CBFA2T3: variants seen among roughly 807,000 people sequenced by gnomAD.
CBFA2T3 encodes the protein transcriptional corepressor CBFA2T3.
A neutral mutation model predicts 58.6 loss-of-function variants in CBFA2T3; 31 were observed. The observed-to-expected ratio is 0.53, with a 90% CI of 0.40 to 0.71. CBFA2T3 has a LOEUF of 0.71. CBFA2T3 is among the 30% of genes least tolerant of loss of function. CBFA2T3 has a pLI of 0.00. For missense variants in CBFA2T3, 1,076 were observed against 963.1 expected, an observed-to-expected ratio of 1.12 and a Z score of -1.55; for synonymous variants, 531 against 421.9, an observed-to-expected ratio of 1.26 and a Z score of -3.17.
At chr16:88,963,189 A>G (rs1210509184) in intron 1 of CBFA2T3, among the ~76,000 whole-genome samples, 2 of 151,842 alleles carry the variant, frequency 1.3e-5, no homozygotes, top group East Asian at 3.9e-4. Flanking sequence ...GGGCTTGGAC[A>G]GAGGCTGTAA....
chr16:88,877,115 G>T lies in CBFA2T3; in HGVS notation c.1823C>A (p.Pro608His). ...GPTAVVADPV[P>H]GPPEAAHSLG... is the part of the protein sequence containing the mutation. ...GCTGTGGGCGGCTTCGGGCGGTCCA[G>T]GCACCGGGTCGGCCACCACGGCTGT... The change falls in exon 12 of 12, where the codon CCT becomes CAT. Residue 608 changes from proline (P) to histidine (H), a missense_variant. Transcript: ENST00000268679. The T allele has an allele frequency of 6.5e-7, 1 of 1,547,462 alleles. No homozygotes were observed. The highest frequency in any genetic ancestry group is 8.7e-7 in the Non-Finnish European group (1 of 1,146,050).
chr16:88,920,438 G>A (rs1458444001), intron 1 of CBFA2T3, among the ~76,000 whole-genome samples: 5 of 144,876 alleles, frequency 3.5e-5, no homozygotes, highest in African/African-American at 1.2e-4. Flanking sequence ...CACCATACCC[G>A]GCCAATTTTT....
intron 1 of CBFA2T3, among the ~76,000 whole-genome samples, chr16:88,924,874 G>A (rs1053405970): frequency 6.6e-6 from 1 of 152,220 alleles, no homozygotes; most frequent in South Asian, 2.1e-4. Flanking sequence ...CGCTGCCACC[G>A]CCTCCCACCT....
intron 1 of CBFA2T3, among the ~76,000 whole-genome samples, chr16:88,927,459 G>A (rs984319767): frequency 4.6e-5 from 7 of 152,198 alleles, no homozygotes; most frequent in African/African-American, 1.4e-4. Flanking sequence ...TGGAGGAGGG[G>A]CTGGGGAAGA....
intron 1 of CBFA2T3, among the ~76,000 whole-genome samples, chr16:88,908,667 T>C (rs1333575917): frequency 1.3e-5 from 2 of 152,218 alleles, no homozygotes; most frequent in Non-Finnish European, 2.9e-5. Flanking sequence ...TGGACACCAG[T>C]GCAAGAGCTC....
At chr16:88,948,531 A>C (rs1971964923) in intron 1 of CBFA2T3, among the ~76,000 whole-genome samples, 1 of 152,238 alleles carries the variant, frequency 6.6e-6, no homozygotes, top group Admixed American at 6.5e-5. Context: ...TCCCGGAGGC[A>C]GGGAGGAACC....
chr16:88,951,661 C>A (rs1290768348), intron 1 of CBFA2T3: 4 of 350,836 alleles, frequency 1.1e-5, no homozygotes, highest in Non-Finnish European at 2.2e-5. Context: ...GCAGGACAGT[C>A]ATGCAGGCAG....
Position 88,881,458 on chromosome 16 carries a change from T to C in CBFA2T3, c.1235A>G (p.Lys412Arg). ...LLNCIMDMVE[K>R]TRRSLTVLRR... ...CAGCACCGTGAGCGAGCGCCGCGTC[T>C]TCTCCACCATGTCCATGATGCAGTT... Residue 412 changes from lysine (K) to arginine (R), a missense_variant, in exon 9 of 12, where the codon AAG (lysine) becomes AGG (arginine). Physicochemically the swap from Lys to Arg is conservative, Grantham distance 26 (BLOSUM62 2). Coordinates refer to ENST00000268679, the MANE Select transcript of CBFA2T3 (RefSeq NM_005187.6). The C allele has an allele frequency of 1.9e-6, 3 of 1,609,724 alleles. No individual in the cohort carries two copies. Among genetic ancestry groups the C allele is most frequent in the Non-Finnish European group, 2.5e-6 (3 of 1,178,258 alleles).
intron 7 of CBFA2T3, chr16:88,884,500 C>T (rs1037720344): frequency 2.0e-5 from 3 of 152,554 alleles, no homozygotes; most frequent in African/African-American, 7.2e-5. Flanking sequence ...GCTGACGCCA[C>T]CCCACTGACG....
intron 1 of CBFA2T3, among the ~76,000 whole-genome samples, chr16:88,956,328 G>A (rs956472481): frequency 1.3e-5 from 2 of 152,266 alleles, no homozygotes; most frequent in African/African-American, 4.8e-5. Context: ...CAGGGTGGGC[G>A]GGAGACCTTC....
intron 1 of CBFA2T3, among the ~76,000 whole-genome samples, chr16:88,962,902 C>A (rs1269161019): frequency 2.6e-5 from 4 of 152,190 alleles, no homozygotes; most frequent in Admixed American, 6.5e-5. Flanking sequence ...GCAACCCCAC[C>A]CCGCGTGTCT....
intron 1 of CBFA2T3, among the ~76,000 whole-genome samples, chr16:88,963,312 G>T (rs1488513903): frequency 2.6e-5 from 4 of 151,808 alleles, no homozygotes; most frequent in Non-Finnish European, 5.9e-5. Flanking sequence ...TCTTCTGCCA[G>T]GGGCGGGCGC....
intron 1 of CBFA2T3, among the ~76,000 whole-genome samples, chr16:88,943,989 C>T (rs1971832460): frequency 1.3e-5 from 2 of 152,108 alleles, no homozygotes; most frequent in African/African-American, 4.8e-5. Flanking sequence ...AGGGTGTGCC[C>T]ATGGAGCTCC....
chr16:88,975,416 C>T (rs1419041512), intron 1 of CBFA2T3, among the ~76,000 whole-genome samples: 1 of 152,238 alleles, frequency 6.6e-6, no homozygotes, highest in Non-Finnish European at 1.5e-5. Flanking sequence ...GCCCGTCTCT[C>T]TCCGCGCCGG....
chr16:88,896,733 C>T (rs1287603164), intron 3 of CBFA2T3, among the ~76,000 whole-genome samples: 1 of 152,196 alleles, frequency 6.6e-6, no homozygotes, highest in Non-Finnish European at 1.5e-5. Context: ...GACTGTGGAC[C>T]TTCCAGCAGC....
rs1040467990 is a variant in CBFA2T3, at chr16:88,885,174, C to G, written c.989G>C (p.Ser330Thr). The change falls in exon 7 of 12, where the codon AGC (serine) becomes ACC (threonine). Residue 330 changes from serine (S) to threonine (T), a missense_variant. Transcript: ENST00000268679. This position sits in a 1 kb window ranked among gnomAD's most constrained non-coding sequence, Gnocchi z 5.3. ...TLNPAQRYSP[S>T]NGPPQPTPPP... ...CGGTGTGGGCTGCGGTGGCCCGTTGCTGGGGCTGTAGCGCTGGGCAGGGTT... is the reference window on the plus strand; with the variant it reads ...CGGTGTGGGCTGCGGTGGCCCGTTGGTGGGGCTGTAGCGCTGGGCAGGGTT... 1.9e-6 allele frequency: 3 copies of G among 1,603,368 alleles called. No individual in the cohort carries two copies. In the South Asian group the frequency reaches 3.3e-5, roughly 18 times the overall value.
At chr16:88,883,417 G>C (rs970262672) in intron 7 of CBFA2T3, 1 of 155,516 alleles carries the variant, frequency 6.4e-6, no homozygotes. Flanking sequence ...AGGGCTCTCG[G>C]AACACGCTGG....
chr16:88,895,048 G>T (rs1969830864), intron 3 of CBFA2T3, among the ~76,000 whole-genome samples: 1 of 152,172 alleles, frequency 6.6e-6, no homozygotes, highest in African/African-American at 2.4e-5. Flanking sequence ...TGTGGCCTCT[G>T]TCTGGACGGG....
intron 8 of CBFA2T3, chr16:88,881,765 G>C: frequency 2.3e-6 from 1 of 429,490 alleles, no homozygotes; most frequent in Non-Finnish European, 4.2e-6. Flanking sequence ...GCTCAGCGGG[G>C]CTCTGCCTCA....
Sources: allele counts gnomAD v4.1 joint callset (sites outside exome capture counted in the v4.1 genomes callset), GRCh38; gene constraint gnomAD v4.1.1; non-coding constraint Gnocchi (gnomAD v3.1); transcripts MANE v1.5; gene names NCBI Gene and HGNC (gene_info 2026-07-23, HGNC 2026-07-21).